Variants in HS6ST3 observed in about 807,000 individuals in gnomAD.
HS6ST3 encodes heparan sulfate 6-O-sulfotransferase 3, also known as heparan-sulfate 6-O-sulfotransferase 3.
Under a neutral mutation model 36.7 loss-of-function variants are expected in HS6ST3, and 12 were observed. The observed-to-expected ratio is 0.33, with a 90% CI of 0.21 to 0.53. The LOEUF (loss-of-function observed/expected upper bound fraction) is 0.53, where lower values mean the gene tolerates loss of function less well. Among genes scored for constraint, HS6ST3 ranks in the 20% least tolerant of loss-of-function variants. The pLI is 0.95. For synonymous variants in HS6ST3, 240 were observed against 257.5 expected (o/e 0.93, Z 0.65); for missense variants, 584 against 640.9 (o/e 0.91, Z 0.96).
In HS6ST3 at chr13:96,674,167, C is replaced by T. The variant is rs375388756; in HGVS notation, c.708-158323C>T. ...CTGTTTTCATGATACTGAGTGAGTT[C>T]TCATGAGATCTGGTTGTTTGTGGAA... On this transcript the variant is annotated intron_variant, in intron 1 of 1. Coordinates refer to ENST00000376705, the MANE Select transcript of HS6ST3 (RefSeq NM_153456.4). Among the ~76,000 whole-genome samples, 4 of 152,064 alleles carry T rather than the reference C, an allele frequency of 2.6e-5. No homozygotes were observed. In the East Asian group the frequency reaches 7.8e-4, roughly 30 times the overall value.
At chr13:96,659,899 T>C (rs1199111653) in intron 1 of HS6ST3, among the ~76,000 whole-genome samples, 12 of 152,142 alleles carry the variant, frequency 7.9e-5, no homozygotes, top group Non-Finnish European at 1.2e-4. Context: ...ATGTGTTTTG[T>C]AACTTTTTAG....
At chr13:96,372,708 A>C (rs188922737) in intron 1 of HS6ST3, among the ~76,000 whole-genome samples, 13 of 152,280 alleles carry the variant, frequency 8.5e-5, no homozygotes, top group Non-Finnish European at 1.3e-4. Flanking sequence ...TGTGAGATAA[A>C]GATCCATTTT....
chr13:96,326,223 A>T (rs1269692910), intron 1 of HS6ST3, among the ~76,000 whole-genome samples: 1 of 150,968 alleles, frequency 6.6e-6, no homozygotes, highest in Admixed American at 6.6e-5. Flanking sequence ...CATGTGCACA[A>T]TGTGCAGGTT....
intron 1 of HS6ST3, among the ~76,000 whole-genome samples, chr13:96,243,135 C>T (rs916131818): frequency 3.9e-5 from 6 of 152,266 alleles, no homozygotes; most frequent in South Asian, 2.1e-4. Flanking sequence ...GTTTATTTTG[C>T]GCTGTCTTCA....
chr13:96,200,330 C>T (rs2054335268), intron 1 of HS6ST3, among the ~76,000 whole-genome samples: 1 of 152,186 alleles, frequency 6.6e-6, no homozygotes, highest in East Asian at 1.9e-4. Flanking sequence ...TCACTCTCCC[C>T]TACTTTCTTG....
At chr13:96,717,949 C>G (rs1875744752) in intron 1 of HS6ST3, among the ~76,000 whole-genome samples, 1 of 152,122 alleles carries the variant, frequency 6.6e-6, no homozygotes, top group Non-Finnish European at 1.5e-5. Flanking sequence ...CACTGAGGAC[C>G]ATTACATTTG....
intron 1 of HS6ST3, among the ~76,000 whole-genome samples, chr13:96,647,555 T>C (rs892256882): frequency 2.0e-5 from 3 of 152,000 alleles, no homozygotes; most frequent in Non-Finnish European, 2.9e-5. Context: ...CAAAATTTTG[T>C]ATTAGCAAGT....
intron 1 of HS6ST3, among the ~76,000 whole-genome samples, chr13:96,166,029 T>G (rs1005002925): frequency 9.9e-6 from 1 of 101,016 alleles, no homozygotes; most frequent in Non-Finnish European, 1.9e-5. Flanking sequence ...GGGTTATTTA[T>G]TTATTTATTT....
At chr13:96,428,995 A>G (rs9516693) in intron 1 of HS6ST3, among the ~76,000 whole-genome samples, 105,310 of 152,148 alleles carry the variant, frequency 0.69, 38,224 homozygotes, top group African/African-American at 0.92. Context: ...TGCCCATATT[A>G]CAGCTGTAAA....
rs1878954858 is a variant in HS6ST3 at position 96,837,468 on chromosome 13, C to A, written c.*4270C>A. 1 of 152,190 alleles carries A rather than the reference C, an allele frequency of 6.6e-6. No homozygotes were observed. The highest frequency in any genetic ancestry group is 2.1e-4 in the South Asian group (1 of 4,830). The allele number at this position is 152,190 out of a possible 1,614,324, so 9.4% of individuals were successfully genotyped here. A position where few individuals can be genotyped will look rare whatever the true frequency, so the allele number is the denominator to read the frequency against. ...CAAGAAAGTTGCTTAGAGCCCCAGC[C>A]TTTTGACTTCATAGTCTTTCCGACT... On this transcript the variant is annotated 3_prime_UTR_variant, in exon 2 of 2. Coordinates refer to ENST00000376705, the MANE Select transcript of HS6ST3 (RefSeq NM_153456.4).
intron 1 of HS6ST3, among the ~76,000 whole-genome samples, chr13:96,501,191 G>C (rs1265166032): frequency 1.3e-5 from 2 of 152,174 alleles, no homozygotes; most frequent in Non-Finnish European, 2.9e-5. Context: ...TTAGTCATTA[G>C]TGTGTTGTGC....
intron 1 of HS6ST3, among the ~76,000 whole-genome samples, chr13:96,770,012 C>T (rs1049650087): frequency 6.6e-6 from 1 of 152,170 alleles, no homozygotes; most frequent in African/African-American, 2.4e-5. Context: ...TTTCTTTCTG[C>T]ATTTTGCTGT....
intron 1 of HS6ST3, among the ~76,000 whole-genome samples, chr13:96,419,498 T>G (rs901017810): frequency 6.6e-6 from 1 of 152,158 alleles, no homozygotes; most frequent in African/African-American, 2.4e-5. Context: ...TGGAGGTAGA[T>G]AGATGGATGG....
Position 96,619,159 on chromosome 13 carries a change from G to T in HS6ST3, c.708-213331G>T, listed in dbSNP as rs576976307. On this transcript the variant is annotated intron_variant, in intron 1 of 1. Coordinates refer to ENST00000376705, the MANE Select transcript of HS6ST3 (RefSeq NM_153456.4). ...ACAGAATATAGTCTTCTCCATTGAA[G>T]TGTATGAATGTAGACACTTAAGGTT... is the stretch of plus-strand genomic sequence containing the variant. 2.6e-5 allele frequency among the ~76,000 whole-genome samples: 4 copies of T among 152,300 alleles called. No individual in the cohort carries two copies. In the South Asian group the frequency reaches 8.3e-4, roughly 32 times the overall value.
At chr13:96,334,699 T>G (rs2055091015) in intron 1 of HS6ST3, among the ~76,000 whole-genome samples, 1 of 152,082 alleles carries the variant, frequency 6.6e-6, no homozygotes, top group Non-Finnish European at 1.5e-5. Flanking sequence ...TTGTGAGACT[T>G]ATTCACTACC....
intron 1 of HS6ST3, among the ~76,000 whole-genome samples, chr13:96,830,172 A>G (rs561516707): frequency 1.3e-5 from 2 of 152,292 alleles, no homozygotes; most frequent in African/African-American, 4.8e-5. Flanking sequence ...CAAGTATTCC[A>G]AGCACGTTTA....
chr13:96,551,800 T>G (rs1363998900), intron 1 of HS6ST3, among the ~76,000 whole-genome samples: 2 of 152,192 alleles, frequency 1.3e-5, no homozygotes, highest in Non-Finnish European at 2.9e-5. Context: ...GCATACTTTC[T>G]CACTTGAGGA....
chr13:96,359,834 A>G (rs2055228731), intron 1 of HS6ST3, among the ~76,000 whole-genome samples: 1 of 152,206 alleles, frequency 6.6e-6, no homozygotes, highest in Admixed American at 6.5e-5. Flanking sequence ...AGCAAGTTGC[A>G]AAACACTTCT....
At chr13:96,720,622 C>A (rs1173763327) in intron 1 of HS6ST3, among the ~76,000 whole-genome samples, 1 of 152,150 alleles carries the variant, frequency 6.6e-6, no homozygotes, top group South Asian at 2.1e-4. Flanking sequence ...CTCCTGATAA[C>A]GCATTTTGTT....
Sources: allele counts gnomAD v4.1 joint callset (sites outside exome capture counted in the v4.1 genomes callset), GRCh38; gene constraint gnomAD v4.1.1; transcripts MANE v1.5; gene names NCBI Gene and HGNC (gene_info 2026-07-23, HGNC 2026-07-21).